The following KSR2 variants were observed in gnomAD, a reference collection of about 807,000 sequenced individuals.
KSR2 encodes the protein kinase suppressor of ras 2.
Under a neutral mutation model 107.8 loss-of-function variants are expected in KSR2, and 25 were observed. That is an observed-to-expected ratio of 0.23 (90% CI 0.17 to 0.32). The LOEUF (loss-of-function observed/expected upper bound fraction) is 0.32. Among genes scored for constraint, KSR2 ranks in the 10% least tolerant of loss-of-function variants. The probability of loss-of-function intolerance (pLI) is 1.00; values close to 1 mark genes in which losing one functional copy is unlikely to be tolerated. For synonymous variants in KSR2, 480 were observed against 507.0 expected (o/e 0.95, Z 0.71); for missense variants, 887 against 1,268.9 (o/e 0.70, Z 4.57).
At chr12:117,860,937 T>A (rs538415211) in intron 1 of KSR2, among the ~76,000 whole-genome samples, 19 of 152,204 alleles carry the variant, frequency 1.2e-4, no homozygotes, top group African/African-American at 4.3e-4. Flanking sequence ...CAGGCTGGTC[T>A]CAAACCCGTG....
At chr12:117,722,998 T>G (rs1887274892) in intron 4 of KSR2, among the ~76,000 whole-genome samples, 1 of 152,072 alleles carries the variant, frequency 6.6e-6, no homozygotes, top group African/African-American at 2.4e-5. Flanking sequence ...TGGCAGGAGT[T>G]CTCTATGTCT....
intron 4 of KSR2, among the ~76,000 whole-genome samples, chr12:117,688,378 GA>G (rs1555227969): frequency 6.6e-6 from 1 of 151,162 alleles, no homozygotes; most frequent in African/African-American, 2.4e-5. Flanking sequence ...CCTTGTCTCA[GA>G]AAAAAAAAGT....
Position 117,761,161 on chromosome 12 carries a change from A to T in KSR2, c.836T>A (p.Met279Lys). The T allele has an allele frequency of 6.2e-7, 1 of 1,601,278 alleles. No homozygotes were observed. Among genetic ancestry groups the T allele is most frequent in the Non-Finnish European group, 8.5e-7 (1 of 1,172,834 alleles). The change falls in exon 4 of 20, where the codon ATG becomes AAG. Residue 279 changes from methionine to lysine, a missense_variant. Met to Lys is a moderately conservative substitution (Grantham distance 95). Coordinates refer to ENST00000339824, the MANE Select transcript of KSR2 (RefSeq NM_173598.6). ...TTVTPPGTPP[M>K]RKKNKLKPPG... ...GGGCTTCAGCTTGTTCTTCTTCCTC[A>T]TGGGCGGCGTGCCCGGCGGGGTCAC...
At chr12:117,580,395 C>G (rs1481206950) in intron 6 of KSR2, among the ~76,000 whole-genome samples, 3 of 152,160 alleles carry the variant, frequency 2.0e-5, no homozygotes, top group Admixed American at 1.3e-4. Flanking sequence ...GGAATGGCGG[C>G]GAAGGAGCGT....
chr12:117,924,614 GA>G (rs1391622691), intron 1 of KSR2, among the ~76,000 whole-genome samples: 2 of 121,318 alleles, frequency 1.6e-5, no homozygotes, highest in African/African-American at 6.1e-5. Flanking sequence ...AGAAAAGAAA[GA>G]AATACGGGCA....
chr12:117,528,320 G>A (rs1159519843), intron 12 of KSR2, among the ~76,000 whole-genome samples: 1 of 152,158 alleles, frequency 6.6e-6, no homozygotes, highest in African/African-American at 2.4e-5. Context: ...ATGTGCATGT[G>A]TTTTTGAAGT....
At chr12:117,718,658 T>A (rs1056006327) in intron 4 of KSR2, among the ~76,000 whole-genome samples, 2 of 152,200 alleles carry the variant, frequency 1.3e-5, no homozygotes, top group African/African-American at 4.8e-5. Context: ...TTTTGTCCTC[T>A]AAGCCAGGCA....
intron 12 of KSR2, among the ~76,000 whole-genome samples, chr12:117,530,228 TC>T (rs887989265): frequency 5.3e-5 from 8 of 152,178 alleles, no homozygotes; most frequent in African/African-American, 1.9e-4. Flanking sequence ...ATTTTGCCTT[TC>T]CCTTTTTAAA....
At chr12:117,511,880 C>G (rs1178628325) in intron 14 of KSR2, among the ~76,000 whole-genome samples, 2 of 152,148 alleles carry the variant, frequency 1.3e-5, no homozygotes, top group Non-Finnish European at 2.9e-5. Flanking sequence ...CTCAGCGACC[C>G]CACACTGCCA....
intron 5 of KSR2, among the ~76,000 whole-genome samples, chr12:117,636,088 G>A (rs1022445771): frequency 2.6e-5 from 4 of 152,074 alleles, no homozygotes; most frequent in Non-Finnish European, 5.9e-5. Flanking sequence ...CAGGGCACCT[G>A]GCCAGTATGT....
At chr12:117,866,038 C>CTTTAT (rs538018917) in intron 1 of KSR2, among the ~76,000 whole-genome samples, 8 of 124,228 alleles carry the variant, frequency 6.4e-5, no homozygotes, top group African/African-American at 2.1e-4. Context: ...TAATCTCTCT[C>CTTTAT]TTTTTTTTTT....
At chr12:117,530,918 G>T (rs758470182) in intron 12 of KSR2, 23 bp downstream of exon 12, 1 of 1,608,206 alleles carries the variant, frequency 6.2e-7, no homozygotes, top group Non-Finnish European at 8.5e-7. Context: ...GGGAAAGGGG[G>T]AAGATGTCTC....
intron 5 of KSR2, among the ~76,000 whole-genome samples, chr12:117,587,476 A>G (rs1341564703): frequency 2.6e-5 from 4 of 152,160 alleles, no homozygotes; most frequent in African/African-American, 9.7e-5. Context: ...TAGAGCTTCC[A>G]GAAGGAACCA....
chr12:117,569,378 T>C (rs1472662534), intron 7 of KSR2, among the ~76,000 whole-genome samples: 1 of 152,126 alleles, frequency 6.6e-6, no homozygotes, highest in East Asian at 1.9e-4. Flanking sequence ...AGTGACTGTT[T>C]ACATAAAAAG....
intron 1 of KSR2, among the ~76,000 whole-genome samples, chr12:117,878,013 A>G (rs765462267): frequency 2.0e-5 from 3 of 152,166 alleles, no homozygotes; most frequent in Admixed American, 6.5e-5. Flanking sequence ...CCATTGGGTG[A>G]TCTGATTAAA....
At chr12:117,682,226 T>A (rs1352106505) in intron 4 of KSR2, among the ~76,000 whole-genome samples, 1 of 151,574 alleles carries the variant, frequency 6.6e-6, no homozygotes, top group Non-Finnish European at 1.5e-5. Context: ...AATGAGAACA[T>A]GTAGACACAG....
intron 1 of KSR2, among the ~76,000 whole-genome samples, chr12:117,898,698 T>C (rs1295052101): frequency 6.6e-6 from 1 of 151,548 alleles, no homozygotes; most frequent in Non-Finnish European, 1.5e-5. Context: ...AACAGCTGAA[T>C]GAATAAAGAA....
intron 5 of KSR2, among the ~76,000 whole-genome samples, chr12:117,589,993 C>T (rs1043271287): frequency 2.6e-5 from 4 of 152,036 alleles, no homozygotes; most frequent in Non-Finnish European, 5.9e-5. Context: ...TTCATGTCAT[C>T]GGGGAAGAAA....
At chr12:117,487,924 A>T (rs374016911) in intron 14 of KSR2, among the ~76,000 whole-genome samples, 9 of 152,136 alleles carry the variant, frequency 5.9e-5, no homozygotes, top group Non-Finnish European at 1.3e-4. Context: ...TAACCCTGAT[A>T]TGGTTTGGCT....
Sources: allele counts gnomAD v4.1 joint callset (sites outside exome capture counted in the v4.1 genomes callset), GRCh38; gene constraint gnomAD v4.1.1; transcripts MANE v1.5; gene names NCBI Gene and HGNC (gene_info 2026-07-23, HGNC 2026-07-21).